The following FUNDC2 variants were observed in gnomAD, a reference collection of about 807,000 sequenced individuals.
The protein encoded by FUNDC2 is FUN14 domain containing 2.
FUNDC2 carries 4 observed loss-of-function variants against 15.6 expected under a neutral mutation model. That is an observed-to-expected ratio of 0.26 (90% CI 0.13 to 0.59). The LOEUF is 0.59. Among genes scored for constraint, FUNDC2 ranks in the 20% least tolerant of loss-of-function variants. The pLI, the probability that FUNDC2 is intolerant of heterozygous loss-of-function variation, is 0.90. For synonymous variants in FUNDC2, 44 were observed against 56.9 expected (o/e 0.77, Z 1.02); for missense variants, 98 against 149.7 (o/e 0.65, Z 1.80).
rs377294335 is a variant in FUNDC2 at position 155,027,077 on chromosome X, G to A, written c.133+6G>A. ...AATGGCCGCGTCCAGTCAAGGTAAGGGCGGGCGCGCGCGCGGCCGGCGCCG... is the reference window on the plus strand; with the variant it reads ...AATGGCCGCGTCCAGTCAAGGTAAGAGCGGGCGCGCGCGCGGCCGGCGCCG... On this transcript the variant is annotated splice_donor_region_variant and intron_variant, in intron 1 of 4. Transcript: ENST00000369498. The A allele has an allele frequency of 8.1e-5, 92 of 1,134,349 alleles. No homozygotes were observed. In the African/African-American group the frequency reaches 1.6e-3, roughly 20 times the overall value. The allele number at this position is 1,134,349 out of a possible 1,213,427, so 93.5% of individuals were successfully genotyped here.
rs1015019638 is a variant in FUNDC2 at position 155,038,605 on chromosome X, G to A, written c.284+5052G>A. Among the ~76,000 whole-genome samples the A allele has an allele frequency of 1.4e-4, 16 of 111,917 alleles. No homozygotes were observed. In the South Asian group the frequency reaches 4.5e-3, roughly 31 times the overall value. ...TTCCACATATAAGTGAGACCATTTG[G>A]TATTTGTCTTTCTGTGCCTGACTTA... On this transcript the variant is annotated intron_variant, in intron 2 of 4. Transcript: ENST00000369498.
At chrX:155,031,573 G>A (rs782669723) in intron 1 of FUNDC2, among the ~76,000 whole-genome samples, 7 of 112,463 alleles carry the variant, frequency 6.2e-5, no homozygotes, top group African/African-American at 9.7e-5. Flanking sequence ...CAAGTGATCC[G>A]TCCCCCAGGC....
chrX:155,034,594 T>C (rs1370486328), intron 2 of FUNDC2, among the ~76,000 whole-genome samples: 1 of 112,179 alleles, frequency 8.9e-6, no homozygotes. Flanking sequence ...CAAACCACCT[T>C]CCAAAACTGT....
intron 1 of FUNDC2, chrX:155,033,030 A>G (rs1557288878): frequency 1.7e-5 from 2 of 119,539 alleles, no homozygotes; most frequent in Admixed American, 1.7e-4. Context: ...TATTTGTAGT[A>G]GAGATGGGGT....
At chrX:155,030,367 CAAAAAAAAAAAA>C (rs1275771643) in intron 1 of FUNDC2, among the ~76,000 whole-genome samples, 1 of 27,567 alleles carries the variant, frequency 3.6e-5, no homozygotes, top group African/African-American at 1.4e-4. Context: ...CTCCTGTCTA[CAAAAAAAAAAAA>C]AAAAAAAAAA....
At position 155,057,067 on chromosome X, in the gene FUNDC2, T is replaced by G. The variant is rs2073907945; in HGVS notation, c.*2395T>G. 1.0e-5 allele frequency: 1 copy of G among 100,323 alleles called. No individual in the cohort carries two copies. Among genetic ancestry groups the G allele is most frequent in the Non-Finnish European group, 2.2e-5 (1 of 45,731 alleles). The allele number at this position is 100,323 out of a possible 1,213,427, so 8.3% of individuals were successfully genotyped here. ...TGCTAGTATGAGAACGGCTGTGAGT[T>G]CTGCCCACGGTGTGAGGCCACTGTG... On this transcript the variant is annotated 3_prime_UTR_variant, in exon 5 of 5. Coordinates refer to ENST00000369498, the MANE Select transcript of FUNDC2 (RefSeq NM_023934.4).
intron 1 of FUNDC2, among the ~76,000 whole-genome samples, chrX:155,030,906 C>T (rs1557288691): frequency 9.1e-6 from 1 of 110,008 alleles, no homozygotes; most frequent in African/African-American, 3.3e-5. Context: ...AGGCTGGTCT[C>T]GAACTCCTGA....
rs956771215 is a variant in FUNDC2 at position 155,057,537 on chromosome X, G to C, written c.*2865G>C. 3 of 111,642 alleles carry C rather than the reference G, an allele frequency of 2.7e-5. No homozygotes were observed. The highest frequency in any genetic ancestry group is 5.6e-5 in the Non-Finnish European group (3 of 53,098). The allele number at this position is 111,642 out of a possible 1,213,427, so 9.2% of individuals were successfully genotyped here. On this transcript the variant is annotated 3_prime_UTR_variant, in exon 5 of 5. Transcript: ENST00000369498. ...GTGTTCGGGGTTTCATCGCCCCCTT[G>C]TGGCGGCGACGTGGTAACACCGCAC...
intron 1 of FUNDC2, chrX:155,027,332 C>T (rs996807832): frequency 8.8e-6 from 2 of 226,829 alleles, no homozygotes; most frequent in Non-Finnish European, 1.6e-5. Flanking sequence ...CCGCCCCCGG[C>T]GCAGAAGCCC....
rs2073908140 is a variant in FUNDC2, at chrX:155,057,080, TGAG to T, written c.*2410_*2412del. On this transcript the variant is annotated 3_prime_UTR_variant, in exon 5 of 5. Coordinates refer to ENST00000369498, the MANE Select transcript of FUNDC2 (RefSeq NM_023934.4). ...ACGGCTGTGAGTTCTGCCCACGGTG[TGAG>T]GCCACTGTGACCACTTGGGATTGTG... 1.0e-5 allele frequency: 1 copy of T among 99,594 alleles called. No individual in the cohort carries two copies. The highest frequency in any genetic ancestry group is 2.2e-5 in the Non-Finnish European group (1 of 45,199). 8.2% of individuals were successfully genotyped at this position (99,594 alleles called of 1,213,427 possible).
intron 3 of FUNDC2, chrX:155,049,143 T>C (rs2073872644): frequency 8.9e-6 from 1 of 112,917 alleles, no homozygotes; most frequent in African/African-American, 3.2e-5. Context: ...TTTCAGTTTA[T>C]TCGGCTCCCT....
intron 1 of FUNDC2, among the ~76,000 whole-genome samples, chrX:155,028,220 A>G (rs377228928): frequency 3.6e-5 from 4 of 110,066 alleles, no homozygotes; most frequent in East Asian, 2.8e-4. Flanking sequence ...AACTGTGATC[A>G]TTGATTTTGT....
Sources: gnomAD v4.1 joint callset for allele counts (sites outside exome capture counted in the v4.1 genomes callset) on GRCh38, gnomAD v4.1.1 for gene constraint, MANE v1.5 for transcripts, NCBI Gene and HGNC (gene_info 2026-07-23, HGNC 2026-07-21) for gene names.